Variants in CLCA1 observed in about 807,000 individuals in gnomAD.
The protein encoded by CLCA1 is calcium-activated chloride channel regulator 1.
In CLCA1, 59 loss-of-function variants were observed where a neutral mutation model predicts 85.6. That is an observed-to-expected ratio of 0.69 (90% CI 0.56 to 0.86). The LOEUF is 0.86. Ranked by LOEUF, CLCA1 falls within the 40% of genes least tolerant of loss-of-function variation. The pLI is 0.00. For missense variants in CLCA1, 1,022 were observed against 1,101.4 expected (o/e 0.93, Z 1.02); for synonymous variants, 396 against 398.3 (o/e 0.99, Z 0.07).
In CLCA1 at chr1:86,495,508, C is replaced by T. The variant is rs759160119; in HGVS notation, c.1946C>T (p.Ala649Val). The T allele has an allele frequency of 1.9e-6, 3 of 1,610,110 alleles. No homozygotes were observed. Among genetic ancestry groups the T allele is most frequent in the East Asian group, 2.2e-5 (1 of 44,848 alleles). Residue 649 changes from alanine to valine, a missense_variant, in exon 12 of 14, where the codon GCT becomes GTT. Coordinates refer to ENST00000394711, the MANE Select transcript of CLCA1 (RefSeq NM_001285.4). ...AATTCCTTCATTCTTTATCAAGGTG[C>T]TGATGCTACTAAGGATGACGGTGTC... ...TLELLDNGAG[A>V]DATKDDGVYS...
intron 6 of CLCA1, among the ~76,000 whole-genome samples, chr1:86,486,182 T>G (rs975919762): frequency 6.6e-6 from 1 of 152,100 alleles, no homozygotes; most frequent in Non-Finnish European, 1.5e-5. Flanking sequence ...CCTCGACATG[T>G]GGGGATTATG....
intron 1 of CLCA1, among the ~76,000 whole-genome samples, chr1:86,469,773 G>C (rs2101725061): frequency 6.6e-6 from 1 of 152,250 alleles, no homozygotes; most frequent in East Asian, 1.9e-4. Flanking sequence ...CTAAAACTAA[G>C]AGGGAAATGC....
At chr1:86,484,683 G>C (rs183075272) in intron 5 of CLCA1, among the ~76,000 whole-genome samples, 3 of 152,168 alleles carry the variant, frequency 2.0e-5, no homozygotes, top group African/African-American at 7.2e-5. Flanking sequence ...TATTTCATTG[G>C]AGATGGAGAA....
At chr1:86,475,771 T>G (rs1031884353) in intron 3 of CLCA1, among the ~76,000 whole-genome samples, 3 of 152,066 alleles carry the variant, frequency 2.0e-5, no homozygotes, top group Non-Finnish European at 2.9e-5. Context: ...AAAAAGGAGT[T>G]CAGGAATTCA....
intron 4 of CLCA1, among the ~76,000 whole-genome samples, chr1:86,477,689 T>TA (rs1647706124): frequency 6.6e-6 from 1 of 152,162 alleles, no homozygotes; most frequent in South Asian, 2.1e-4. Context: ...AAAACAAACA[T>TA]ATTAAAGCCA....
In CLCA1 at chr1:86,486,712, G is replaced by A; in HGVS notation, c.1141G>A (p.Gly381Arg). ...CAAAAGATTACCTGCAGCAGCTTCA[G>A]GAGGGACGTCCATCTGCAGCGGGCT... ...LAKRLPAAAS[G>R]GTSICSGLRS... Residue 381 changes from glycine to arginine, a missense_variant, in exon 7 of 14, where the codon GGA (glycine) becomes AGA (arginine). By Grantham distance (125) the Gly-to-Arg change is moderately radical (BLOSUM62 -2). Coordinates refer to ENST00000394711, the MANE Select transcript of CLCA1 (RefSeq NM_001285.4). 1 of 1,614,212 alleles carries A rather than the reference G, an allele frequency of 6.2e-7. No individual in the cohort carries two copies. The highest frequency in any genetic ancestry group is 8.5e-7 in the Non-Finnish European group (1 of 1,180,038).
In CLCA1 at chr1:86,493,544, T is replaced by G; in HGVS notation, c.1625T>G (p.Phe542Cys). 6.2e-7 allele frequency: 1 copy of G among 1,614,118 alleles called. No homozygotes were observed. Among genetic ancestry groups the G allele is most frequent in the Non-Finnish European group, 8.5e-7 (1 of 1,179,998 alleles). The change falls in exon 10 of 14, where the codon TTT (phenylalanine) becomes TGT (cysteine). Residue 542 changes from phenylalanine to cysteine, a missense_variant. Coordinates refer to ENST00000394711, the MANE Select transcript of CLCA1 (RefSeq NM_001285.4). The stretch of plus-strand genomic sequence containing the variant: ...CCCAGTGGACAGAAGCAAGGTGGCT[T>G]TGTAGTGGACAAAAACACCAAAATG... Reference protein sequence around the residue: ...WDPSGQKQGGFVVDKNTKMAY... With the variant: ...WDPSGQKQGGCVVDKNTKMAY...
At chr1:86,495,075 C>A (rs998676217) in intron 11 of CLCA1, among the ~76,000 whole-genome samples, 1 of 151,252 alleles carries the variant, frequency 6.6e-6, no homozygotes. Flanking sequence ...TACTGTGAAG[C>A]AAGTAACCTT....
chr1:86,488,705 A>G (rs571840910), intron 7 of CLCA1, among the ~76,000 whole-genome samples: 18 of 152,334 alleles, frequency 1.2e-4, no homozygotes, highest in Admixed American at 4.6e-4. Flanking sequence ...GAAGGAAACT[A>G]GGAACACCTT....
intron 7 of CLCA1, 42 bp from the exon 8 acceptor site, chr1:86,488,954 C>T (rs772449855): frequency 1.8e-5 from 28 of 1,526,062 alleles, no homozygotes; most frequent in Non-Finnish European, 2.1e-5. Context: ...ACACTTTGGC[C>T]ACCCTAAGTC....
intron 1 of CLCA1, among the ~76,000 whole-genome samples, chr1:86,470,369 T>C (rs1464273209): frequency 6.6e-6 from 1 of 152,158 alleles, no homozygotes; most frequent in African/African-American, 2.4e-5. Context: ...TCATCTAAAA[T>C]GTTGAGTGAG....
chr1:86,486,975 G>A (rs1362043542), intron 7 of CLCA1, among the ~76,000 whole-genome samples: 1 of 152,120 alleles, frequency 6.6e-6, no homozygotes, highest in Non-Finnish European at 1.5e-5. Flanking sequence ...AGTGTCTTAG[G>A]CAGGTTTGCC....
rs1011512067 is a variant in CLCA1, at chr1:86,486,582, A to G, written c.1011A>G (p.Thr337=). Residue 337 remains threonine, a synonymous_variant, in exon 7 of 14, where the codon ACA becomes ACG. Transcript: ENST00000394711. ...NQAGQLFLLQ[T]VELGSWVGMV... ...CAGGCCAGCTTTTCCTGCTGCAGAC[A>G]GTTGAGCTGGGGTCCTGGGTTGGGA... 11 of 1,614,170 alleles carry G rather than the reference A, an allele frequency of 6.8e-6. No homozygotes were observed. Among genetic ancestry groups the G allele is most frequent in the Non-Finnish European group, 8.5e-6 (10 of 1,180,028 alleles).
chr1:86,470,303 A>G (rs937582630), intron 1 of CLCA1, among the ~76,000 whole-genome samples: 1 of 152,222 alleles, frequency 6.6e-6, no homozygotes, highest in South Asian at 2.1e-4. Flanking sequence ...ACTTAACCCA[A>G]AGAGGATCAG....
intron 8 of CLCA1, 139 bp downstream of exon 8, chr1:86,489,309 A>G: frequency 1.3e-6 from 1 of 762,448 alleles, no homozygotes; most frequent in Non-Finnish European, 2.1e-6. Context: ...CTTACCCCTG[A>G]ATGACTGTTT....
chr1:86,478,194 C>T (rs1225409539), intron 4 of CLCA1, among the ~76,000 whole-genome samples: 2 of 151,880 alleles, frequency 1.3e-5, no homozygotes, highest in African/African-American at 2.4e-5. Context: ...TTTGGGAGGC[C>T]GAGGCAGGAT....
chr1:86,481,988 T>C (rs934646292), intron 4 of CLCA1, among the ~76,000 whole-genome samples: 5 of 152,242 alleles, frequency 3.3e-5, no homozygotes, highest in African/African-American at 1.2e-4. Context: ...TGCGTAGAAA[T>C]ACATTCTGAT....
In CLCA1 at chr1:86,476,543, C is replaced by T. The variant is rs1558134626; in HGVS notation, c.547C>T (p.Gln183Ter). ...ATTCTACTTATCCAATGGAAGAATACAAGCAGTAAGGTATGTATATTTTGA... is the reference window on the plus strand; with the variant it reads ...ATTCTACTTATCCAATGGAAGAATATAAGCAGTAAGGTATGTATATTTTGA... ...EKFYLSNGRI[Q>*]AVRCSAGITG... is the part of the protein sequence containing the mutation. The change falls in exon 4 of 14, where the codon CAA (glutamine) becomes TAA (stop). Residue 183 changes from glutamine to a stop codon, truncating the protein, a stop_gained. Coordinates refer to ENST00000394711, the MANE Select transcript of CLCA1 (RefSeq NM_001285.4). LOFTEE classifies it high-confidence loss of function. 5 of 1,505,538 alleles carry T rather than the reference C, an allele frequency of 3.3e-6. No individual in the cohort carries two copies. The highest frequency in any genetic ancestry group is 4.6e-6 in the Non-Finnish European group (5 of 1,081,628). The allele number at this position is 1,505,538 out of a possible 1,614,324, so 93.3% of individuals were successfully genotyped here.
rs774061164 is a variant in CLCA1 at position 86,495,675 on chromosome 1, G to C, written c.2113G>C (p.Asp705His). 3 of 1,602,784 alleles carry C rather than the reference G, an allele frequency of 1.9e-6. No individual in the cohort carries two copies. The highest frequency in any genetic ancestry group is 2.2e-5 in the South Asian group (2 of 89,102). Residue 705 changes from aspartate (D) to histidine (H), a missense_variant and splice_region_variant, in exon 12 of 14, where the codon GAT (aspartate) becomes CAT (histidine). Transcript: ENST00000394711. ...GTACATACCTGGCTGGATTGAGAAT[G>C]GTAAGTAATTTGTAATAACATACCT... ...ALYIPGWIEN[D>H]EIQWNPPRPE...
Sources: gnomAD v4.1 joint callset for allele counts (sites outside exome capture counted in the v4.1 genomes callset) on GRCh38, gnomAD v4.1.1 for gene constraint, MANE v1.5 for transcripts, NCBI Gene and HGNC (gene_info 2026-07-23, HGNC 2026-07-21) for gene names.